The following SPC24 variants were observed in gnomAD, a reference collection of about 807,000 sequenced individuals.
The protein encoded by SPC24 is kinetochore protein Spc24.
Under a neutral mutation model 27.6 loss-of-function variants are expected in SPC24, and 31 were observed. The ratio of observed to expected loss-of-function variants is 1.12; its 90% confidence interval spans 0.84 to 1.52. The LOEUF (loss-of-function observed/expected upper bound fraction) is 1.52, where lower values mean the gene tolerates loss of function less well. Among genes scored for constraint, SPC24 ranks in the 40% most tolerant of loss-of-function variants. The probability of loss-of-function intolerance (pLI) is 0.00; values close to 1 mark genes in which losing one functional copy is unlikely to be tolerated. For synonymous variants in SPC24, 105 were observed against 105.8 expected (o/e 0.99, Z 0.05); for missense variants, 284 against 252.5 (o/e 1.12, Z -0.84).
At chr19:11,148,139 C>T (rs753867559) in intron 2 of SPC24, 22 bp from the exon 3 acceptor site, 3 of 1,583,372 alleles carry the variant, frequency 1.9e-6, no homozygotes, top group Non-Finnish European at 1.7e-6. Flanking sequence ...CGTTAAGGAC[C>T]CCGGCTTTCG....
intron 1 of SPC24, among the ~76,000 whole-genome samples, chr19:11,151,115 A>C (rs1023892675): frequency 2.0e-4 from 28 of 143,230 alleles, no homozygotes; most frequent in African/African-American, 7.1e-4. Flanking sequence ...GTGAGCCAAG[A>C]TCACGCCACT....
chr19:11,147,908 CAAAAAAAA>C lies in SPC24; in HGVS notation c.411-22_411-15del, dbSNP rs58845884. ...TGAGCCACGTACCTGTACAGGAAGA[CAAAAAAAA>C]AAAAAAAAAAAAAAGAAAGTTACCC... On this transcript the variant is annotated splice_polypyrimidine_tract_variant and intron_variant, in intron 3 of 4. Transcript: ENST00000592540. The C allele has an allele frequency of 0.015, 16,822 of 1,099,118 alleles. 1 individual carries two copies. Among genetic ancestry groups the C allele is most frequent in the East Asian group, 0.048 (1,667 of 35,020 alleles). The allele number at this position is 1,099,118 out of a possible 1,614,324, so 68.1% of individuals were successfully genotyped here.
chr19:11,148,348 C>A (rs1213163211), intron 2 of SPC24, among the ~76,000 whole-genome samples: 1 of 152,014 alleles, frequency 6.6e-6, no homozygotes, highest in Non-Finnish European at 1.5e-5. Context: ...GCTGGGATTA[C>A]AAGCACACAC....
rs111289308 is a variant in SPC24, at chr19:11,153,760, G to GGA, written c.160+1856_160+1857insTC. Among the ~76,000 whole-genome samples the GGA allele has an allele frequency of 3.1e-3, 415 of 132,188 alleles. 3 individuals carry two copies. The highest frequency in any genetic ancestry group is 0.011 in the African/African-American group (394 of 35,122). The allele number at this position is 132,188 out of a possible 152,430, so 86.7% of individuals were successfully genotyped here. On this transcript the variant is annotated intron_variant, in intron 1 of 4. Transcript: ENST00000592540. The stretch of plus-strand genomic sequence containing the variant: ...GAGCAGCGGAGTAAGACTGTCCTGG[G>GGA]AAAAAAAAAAAAAAGAAGAAAATAT...
Position 11,151,356 on chromosome 19 carries a change from GC to G in SPC24, c.161-2119del, listed in dbSNP as rs200523954. On this transcript the variant is annotated intron_variant, in intron 1 of 4. Coordinates refer to ENST00000592540, the MANE Select transcript of SPC24 (RefSeq NM_182513.4). ...GTTTTAGCTGTTTTCTCTGGCACTG[GC>G]CTCCACATTTCTAAGTTAACTTGCT... Among the ~76,000 whole-genome samples the G allele has an allele frequency of 5.9e-3, 904 of 152,112 alleles. 12 individuals carry two copies. Among genetic ancestry groups the G allele is most frequent in the African/African-American group, 0.021 (874 of 41,496 alleles).
At chr19:11,155,259 C>T (rs922300310) in intron 1 of SPC24, among the ~76,000 whole-genome samples, 2 of 152,170 alleles carry the variant, frequency 1.3e-5, no homozygotes, top group South Asian at 2.1e-4. Context: ...AGAAACTCAC[C>T]TCAAGTCTCA....
intron 1 of SPC24, among the ~76,000 whole-genome samples, chr19:11,151,942 A>G (rs1269731037): frequency 1.4e-5 from 2 of 144,942 alleles, no homozygotes; most frequent in Admixed American, 7.1e-5. Flanking sequence ...ATTATTTTTG[A>G]GACAGTCTTG....
rs1338874520 is a variant in SPC24, at chr19:11,146,573, G to A, written c.*610C>T. ...AAACTCAGGAGATGGAGACCATCCT[G>A]TCTAACATGGTGAAACCCCGTCTCT... On this transcript the variant is annotated 3_prime_UTR_variant, in exon 5 of 5. Coordinates refer to ENST00000592540, the MANE Select transcript of SPC24 (RefSeq NM_182513.4). 1 of 148,600 alleles carries A rather than the reference G, an allele frequency of 6.7e-6. No individual in the cohort carries two copies. Among genetic ancestry groups the A allele is most frequent in the South Asian group, 2.2e-4 (1 of 4,648 alleles). 9.2% of individuals were successfully genotyped at this position (148,600 alleles called of 1,614,324 possible).
chr19:11,153,568 T>C (rs1292916637), intron 1 of SPC24, among the ~76,000 whole-genome samples: 1 of 151,782 alleles, frequency 6.6e-6, no homozygotes, highest in African/African-American at 2.4e-5. Flanking sequence ...GAGACCAGCC[T>C]GGCCAACATG....
At chr19:11,153,895 G>T (rs1207820136) in intron 1 of SPC24, among the ~76,000 whole-genome samples, 2 of 119,654 alleles carry the variant, frequency 1.7e-5, no homozygotes, top group Admixed American at 8.9e-5. Context: ...GTGAAACCCC[G>T]TCTCTACTAA....
intron 1 of SPC24, among the ~76,000 whole-genome samples, chr19:11,149,546 T>C (rs778283076): frequency 6.6e-6 from 1 of 151,752 alleles, no homozygotes; most frequent in Non-Finnish European, 1.5e-5. Context: ...GGCCAAGAGT[T>C]CAAGCCTGGG....
chr19:11,147,412 G>A, intron 4 of SPC24, 123 bp from the exon 5 acceptor site: 2 of 647,154 alleles, frequency 3.1e-6, no homozygotes, highest in Non-Finnish European at 5.2e-6. Context: ...CCAGGCTGGA[G>A]TACAGTGGTG....
At chr19:11,155,526 G>A in intron 1 of SPC24, 91 bp downstream of exon 1, 1 of 1,412,048 alleles carries the variant, frequency 7.1e-7, no homozygotes, top group Middle Eastern at 2.5e-4. Flanking sequence ...GAGAGTCCAG[G>A]AGAGAAGGGG....
At chr19:11,151,433 C>T (rs897975939) in intron 1 of SPC24, among the ~76,000 whole-genome samples, 2 of 152,098 alleles carry the variant, frequency 1.3e-5, no homozygotes, top group African/African-American at 4.8e-5. Context: ...TGCTGATTTC[C>T]TGTTAGGACA....
rs746817314 is a variant in SPC24, at chr19:11,147,803, C to T, written c.487+15G>A. The T allele has an allele frequency of 6.8e-6, 11 of 1,608,086 alleles. No individual in the cohort carries two copies. The South Asian group carries it at 1.1e-4, about 16-fold the overall frequency. ...ACAGTGCACAAGGGTTAAAATGGCT[C>T]CCCAAAAAGGATACTGCCTTTGACC... On this transcript the variant is annotated intron_variant, in intron 4 of 4. Coordinates refer to ENST00000592540, the MANE Select transcript of SPC24 (RefSeq NM_182513.4).
rs1187894915 is a variant in SPC24 at position 11,146,155 on chromosome 19, C to G, written c.*1028G>C. The G allele has an allele frequency of 6.6e-6, 1 of 152,046 alleles. No homozygotes were observed. The highest frequency in any genetic ancestry group is 1.5e-5 in the Non-Finnish European group (1 of 68,036). 9.4% of individuals were successfully genotyped at this position (152,046 alleles called of 1,614,324 possible). ...TCGCAATCTGGACCTCTCTCCAGTT[C>G]TAGAGTGTTGTCTGCTTTTGTGTTA... On this transcript the variant is annotated 3_prime_UTR_variant, in exon 5 of 5. Transcript: ENST00000592540.
At chr19:11,147,380 A>G (rs930313790) in intron 4 of SPC24, 91 bp from the exon 5 acceptor site, 5 of 838,138 alleles carry the variant, frequency 6.0e-6, no homozygotes, top group Non-Finnish European at 9.1e-6. Flanking sequence ...TTTTTTTTTG[A>G]GACAAAGTTT....
At chr19:11,153,833 C>T (rs911204276) in intron 1 of SPC24, among the ~76,000 whole-genome samples, 37 of 151,464 alleles carry the variant, frequency 2.4e-4, no homozygotes, top group Non-Finnish European at 4.3e-4. Context: ...TTTGGGAGTC[C>T]GAGACGTGTG....
At chr19:11,150,730 C>T (rs1378452116) in intron 1 of SPC24, among the ~76,000 whole-genome samples, 1 of 152,016 alleles carries the variant, frequency 6.6e-6, no homozygotes, top group African/African-American at 2.4e-5. Context: ...CTGCAGTGAG[C>T]CATAATCGCT....
Sources: gnomAD v4.1 joint callset for allele counts (sites outside exome capture counted in the v4.1 genomes callset) on GRCh38, gnomAD v4.1.1 for gene constraint, MANE v1.5 for transcripts, NCBI Gene and HGNC (gene_info 2026-07-23, HGNC 2026-07-21) for gene names.